The following MAD1L1 variants were observed in gnomAD, a reference collection of about 807,000 sequenced individuals.
The protein encoded by MAD1L1 is mitotic spindle assembly checkpoint protein MAD1.
A neutral mutation model predicts 96.9 loss-of-function variants in MAD1L1; 95 were observed. The ratio of observed to expected loss-of-function variants is 0.98; its 90% confidence interval spans 0.83 to 1.16. The LOEUF is 1.16. Among genes scored for constraint, MAD1L1 ranks in the 50% most tolerant of loss-of-function variants. MAD1L1 has a pLI of 0.00. For missense variants in MAD1L1, 1,007 were observed against 954.4 expected (o/e 1.06, Z -0.73); for synonymous variants, 473 against 396.6 (o/e 1.19, Z -2.29).
At chr7:2,209,099 C>T (rs1792752925) in intron 10 of MAD1L1, among the ~76,000 whole-genome samples, 1 of 152,188 alleles carries the variant, frequency 6.6e-6, no homozygotes, top group Non-Finnish European at 1.5e-5. Context: ...CTAACATGCC[C>T]CCAGCCTGCG....
Position 1,890,275 on chromosome 7 carries a change from G to C in MAD1L1, c.1998+7925C>G, listed in dbSNP as rs532390413. 2.6e-5 allele frequency among the ~76,000 whole-genome samples: 4 copies of C among 152,330 alleles called. 1 individual carries two copies. In the South Asian group the frequency reaches 8.3e-4, roughly 32 times the overall value. ...CCAATGTTGGAAGTGTGGCCTATGG[G>C]GAGGAGGTGTCTGCGTCATGGGGTC... On this transcript the variant is annotated intron_variant, in intron 18 of 18. Coordinates refer to ENST00000265854, the MANE Select transcript of MAD1L1 (RefSeq NM_001013836.2).
At chr7:1,873,195 C>A (rs1224878372) in intron 18 of MAD1L1, among the ~76,000 whole-genome samples, 1 of 152,204 alleles carries the variant, frequency 6.6e-6, no homozygotes, top group East Asian at 1.9e-4. Flanking sequence ...GGCCTTGACC[C>A]CCACCGTAAA....
In MAD1L1 at chr7:2,222,646, A is replaced by G. The variant is rs765046223; in HGVS notation, c.400T>C (p.Cys134Arg). Residue 134 changes from cysteine to arginine, a missense_variant, in exon 5 of 19, where the codon TGT becomes CGT. Coordinates refer to ENST00000265854, the MANE Select transcript of MAD1L1 (RefSeq NM_001013836.2). ...MQEQLERNRQ[C>R]QQNLDAASKR... ...CTGGCAGCATCCAAGTTCTGCTGAC[A>G]CTGCCTGTTGCGCTCCAGCTGCTCC... 7 of 1,613,218 alleles carry G rather than the reference A, an allele frequency of 4.3e-6. No individual in the cohort carries two copies. In the African/African-American group the frequency reaches 6.7e-5, roughly 15 times the overall value.
chr7:2,004,954 GCGAAAGGTGA>G (rs943035199), intron 13 of MAD1L1, among the ~76,000 whole-genome samples: 1 of 152,212 alleles, frequency 6.6e-6, no homozygotes, highest in Non-Finnish European at 1.5e-5. Context: ...ACAGTCGCTG[GCGAAAGGTGA>G]CTCGGAGCCA....
At chr7:2,116,284 G>T (rs1251878258) in intron 11 of MAD1L1, among the ~76,000 whole-genome samples, 1 of 152,200 alleles carries the variant, frequency 6.6e-6, no homozygotes, top group East Asian at 1.9e-4. Context: ...TGTGCCAAGT[G>T]CCGGGAGGAC....
intron 12 of MAD1L1, among the ~76,000 whole-genome samples, chr7:2,023,880 C>T (rs919492662): frequency 4.0e-5 from 6 of 151,770 alleles, no homozygotes; most frequent in African/African-American, 7.3e-5. Flanking sequence ...ACCTGGGAGG[C>T]GGAAGTTGCA....
intron 10 of MAD1L1, among the ~76,000 whole-genome samples, chr7:2,185,912 T>G (rs1791438933): frequency 1.3e-5 from 2 of 152,114 alleles, no homozygotes. Flanking sequence ...TTGACCCCAG[T>G]CGGTCCATTA....
intron 11 of MAD1L1, among the ~76,000 whole-genome samples, chr7:2,138,426 G>A (rs527586468): frequency 1.9e-4 from 29 of 152,328 alleles, no homozygotes; most frequent in East Asian, 1.4e-3. Flanking sequence ...CGAGGTGGGC[G>A]CCAGACCAAG....
intron 10 of MAD1L1, among the ~76,000 whole-genome samples, chr7:2,156,102 C>A (rs1365772494): frequency 6.6e-6 from 1 of 152,124 alleles, no homozygotes; most frequent in East Asian, 1.9e-4. Context: ...CGCATGGTTT[C>A]ACGGCGCGTG....
intron 12 of MAD1L1, among the ~76,000 whole-genome samples, chr7:2,042,380 C>A (rs770753622): frequency 6.6e-6 from 1 of 152,172 alleles, no homozygotes; most frequent in South Asian, 2.1e-4. Flanking sequence ...GGCATGCACA[C>A]GGCATTCCTA....
At chr7:1,958,906 G>A (rs1008144292) in intron 15 of MAD1L1, among the ~76,000 whole-genome samples, 2 of 152,174 alleles carry the variant, frequency 1.3e-5, no homozygotes, top group Non-Finnish European at 2.9e-5. Context: ...ATTAGAATCC[G>A]TAAGAGAAAA....
At chr7:1,980,631 G>A (rs1252508794) in intron 14 of MAD1L1, 90 bp from the exon 15 acceptor site, 1 of 1,012,104 alleles carries the variant, frequency 9.9e-7, no homozygotes. Context: ...GACCACCCCT[G>A]GCAGCACCCC....
At chr7:1,892,158 C>T (rs1207969749) in intron 18 of MAD1L1, among the ~76,000 whole-genome samples, 2 of 152,206 alleles carry the variant, frequency 1.3e-5, no homozygotes, top group Admixed American at 6.5e-5. Context: ...CTTAGCACTG[C>T]GCCACGGTGG....
intron 11 of MAD1L1, among the ~76,000 whole-genome samples, chr7:2,070,073 G>A (rs1054184178): frequency 3.9e-5 from 6 of 152,198 alleles, no homozygotes; most frequent in Non-Finnish European, 5.9e-5. Flanking sequence ...TGGGTCATGC[G>A]ATTTTTAAGC....
intron 14 of MAD1L1, among the ~76,000 whole-genome samples, chr7:2,001,817 GC>G (rs1277169406): frequency 6.6e-6 from 1 of 152,200 alleles, no homozygotes; most frequent in East Asian, 1.9e-4. Flanking sequence ...CATGTCACTG[GC>G]CCCCTGCCAC....
intron 14 of MAD1L1, among the ~76,000 whole-genome samples, chr7:1,982,481 T>A (rs1780949710): frequency 6.6e-6 from 1 of 152,240 alleles, no homozygotes; most frequent in Admixed American, 6.5e-5. Context: ...AGTGCTGGGA[T>A]TACAGGCGTG....
intron 16 of MAD1L1, among the ~76,000 whole-genome samples, chr7:1,957,237 C>T (rs1027288275): frequency 2.6e-5 from 4 of 152,244 alleles, no homozygotes; most frequent in Admixed American, 1.3e-4. Context: ...TCCAAAAACC[C>T]GGTAACCTCG....
chr7:1,911,481 C>T (rs903935760), intron 17 of MAD1L1, among the ~76,000 whole-genome samples: 3 of 152,166 alleles, frequency 2.0e-5, no homozygotes, highest in Non-Finnish European at 4.4e-5. Flanking sequence ...TGTCCTCTGC[C>T]GCTACAAGTC....
intron 12 of MAD1L1, among the ~76,000 whole-genome samples, chr7:2,030,774 C>T (rs771317877): frequency 2.1e-4 from 32 of 152,206 alleles, no homozygotes; most frequent in Non-Finnish European, 4.0e-4. Flanking sequence ...CGAGGGTTTC[C>T]GGGGCCCCGT....
Sources: gnomAD v4.1 joint callset for allele counts (sites outside exome capture counted in the v4.1 genomes callset) on GRCh38, gnomAD v4.1.1 for gene constraint, MANE v1.5 for transcripts, NCBI Gene and HGNC (gene_info 2026-07-23, HGNC 2026-07-21) for gene names.